Variants in POLE observed in about 807,000 individuals in gnomAD.
POLE encodes the protein DNA polymerase epsilon, catalytic subunit.
In POLE, 188 loss-of-function variants were observed where a neutral mutation model predicts 279.2. The observed-to-expected ratio is 0.67, with a 90% CI of 0.60 to 0.76. POLE has a LOEUF of 0.76. Ranked by LOEUF, POLE falls within the 30% of genes least tolerant of loss-of-function variation. The pLI is 0.00. For synonymous variants in POLE, 1,214 were observed against 1,172.5 expected (o/e 1.04, Z -0.72); for missense variants, 2,703 against 3,016.7 (o/e 0.90, Z 2.44).
chr12:132,674,067 C>T (rs1187876943), intron 12 of POLE, among the ~76,000 whole-genome samples: 2 of 152,186 alleles, frequency 1.3e-5, no homozygotes, highest in East Asian at 3.8e-4. Flanking sequence ...CCACACTGAT[C>T]TTCTCTCCTC....
chr12:132,656,723 C>G (rs1040451658), intron 29 of POLE, among the ~76,000 whole-genome samples: 1 of 152,192 alleles, frequency 6.6e-6, no homozygotes, highest in African/African-American at 2.4e-5. Context: ...TTTTAATTTT[C>G]AGCATTTAAG....
chr12:132,638,359 A>C (rs2042075969), intron 40 of POLE: 1 of 349,340 alleles, frequency 2.9e-6, no homozygotes, highest in Non-Finnish European at 5.1e-6. Context: ...AAAAATTAGC[A>C]AATTCTTATC....
rs759700878 is a variant in POLE at position 132,677,617 on chromosome 12, G to C, written c.681C>G (p.Pro227=). ...NIVDMREYDV[P]YHIRLSIDLK... ...GGTCAATGGAGAGGCGGATGTGGTAGGGAACATCGTACTCGCGCATGTCCA... is the reference window on the plus strand; with the variant it reads ...GGTCAATGGAGAGGCGGATGTGGTACGGAACATCGTACTCGCGCATGTCCA... Residue 227 remains proline, a synonymous_variant, in exon 7 of 49, where the codon CCC becomes CCG. Transcript: ENST00000320574. The C allele has an allele frequency of 6.2e-7, 1 of 1,614,190 alleles. No individual in the cohort carries two copies. The highest frequency in any genetic ancestry group is 8.5e-7 in the Non-Finnish European group (1 of 1,180,022).
Position 132,659,185 on chromosome 12 carries a change from C to T in POLE, c.3275+110G>A. The T allele has an allele frequency of 1.9e-5, 22 of 1,151,902 alleles. No individual in the cohort carries two copies. The South Asian group carries it at 3.1e-4, about 16-fold the overall frequency. The allele number at this position is 1,151,902 out of a possible 1,614,324, so 71.4% of individuals were successfully genotyped here. On this transcript the variant is annotated intron_variant, in intron 26 of 48. Transcript: ENST00000320574. The stretch of plus-strand genomic sequence containing the variant: ...CCTTACCTCTCCGTGACAGGGCAGC[C>T]CTCACCTCTCTGTGATGAGGGGAGC...
intron 41 of POLE, 107 bp from the exon 42 acceptor site, chr12:132,636,131 A>C: frequency 1.7e-6 from 2 of 1,196,826 alleles, no homozygotes; most frequent in Non-Finnish European, 2.3e-6. Context: ...CTTAACACTG[A>C]ATTTGAAAGT....
rs755716866 is a variant in POLE, at chr12:132,681,129, A to G, written c.204+9T>C. ...ATATTCCTGGGTGGGAGAAGGACCT[A>G]GTGCTTACAGGATGCATGTTAATGA... On this transcript the variant is annotated intron_variant, in intron 2 of 48. Coordinates refer to ENST00000320574, the MANE Select transcript of POLE (RefSeq NM_006231.4). 6.2e-7 allele frequency: 1 copy of G among 1,613,958 alleles called. No individual in the cohort carries two copies. Among genetic ancestry groups the G allele is most frequent in the South Asian group, 1.1e-5 (1 of 91,070 alleles).
Position 132,660,866 on chromosome 12 carries a change from TC to T in POLE, c.3060+102del. 4 of 906,014 alleles carry T rather than the reference TC, an allele frequency of 4.4e-6. No individual in the cohort carries two copies. In the South Asian group the frequency reaches 7.1e-5, roughly 16 times the overall value. The allele number at this position is 906,014 out of a possible 1,614,324, so 56.1% of individuals were successfully genotyped here. A position where few individuals can be genotyped will look rare whatever the true frequency, so the allele number is the denominator to read the frequency against. ...GATTTCATTAGGACTGGCCCTGTGTTCTTCGGTCACCTTGGTCTCCAGGAGC... is the reference window on the plus strand; with the variant it reads ...GATTTCATTAGGACTGGCCCTGTGTTTTCGGTCACCTTGGTCTCCAGGAGC... On this transcript the variant is annotated intron_variant, in intron 25 of 48. Transcript: ENST00000320574.
chr12:132,681,177 C>A lies in POLE; in HGVS notation c.165G>T (p.Glu55Asp). Reference sequence around the variant, plus strand: ...TGAGCCAGCCTGTCTTCTCACCAGGCTCCTTCAGCCGCTCAAAACCAAACC... The same window carrying A: ...TGAGCCAGCCTGTCTTCTCACCAGGATCCTTCAGCCGCTCAAAACCAAACC... ...DLRFGFERLK[E>D]PGEKTGWLIN... Residue 55 changes from glutamate to aspartate, a missense_variant, in exon 2 of 49, where the codon GAG becomes GAT. This residue lies in a region of POLE where 1,011 missense variants were observed against 1,111.7 expected (regional missense o/e 0.91). Transcript: ENST00000320574. 6.2e-7 allele frequency: 1 copy of A among 1,614,158 alleles called. No homozygotes were observed. The highest frequency in any genetic ancestry group is 8.5e-7 in the Non-Finnish European group (1 of 1,180,026).
At chr12:132,681,468 C>T (rs189304279) in intron 1 of POLE, among the ~76,000 whole-genome samples, 189 bp from the exon 2 acceptor site, 9 of 152,148 alleles carry the variant, frequency 5.9e-5, no homozygotes, top group Admixed American at 5.2e-4. Context: ...CTCAGCCTCC[C>T]GAGTAGCTGG....
At chr12:132,669,337 A>C (rs771580619) in intron 16 of POLE, among the ~76,000 whole-genome samples, 1 of 151,930 alleles carries the variant, frequency 6.6e-6, no homozygotes, top group Non-Finnish European at 1.5e-5. Context: ...TGGCGGTGGC[A>C]CCTGTAGTCC....
At chr12:132,653,926 C>G (rs771998617) in intron 29 of POLE, among the ~76,000 whole-genome samples, 16 of 152,198 alleles carry the variant, frequency 1.1e-4, no homozygotes, top group Non-Finnish European at 2.4e-4. Context: ...GATGATCTTA[C>G]GAGCCTTCTC....
Position 132,639,610 on chromosome 12 carries a change from G to A in POLE, c.5379-312C>T, listed in dbSNP as rs190162408. Among the ~76,000 whole-genome samples, 213 of 152,290 alleles carry A rather than the reference G, an allele frequency of 1.4e-3. No homozygotes were observed. Among genetic ancestry groups the A allele is most frequent in the African/African-American group, 4.9e-3 (203 of 41,568 alleles). ...CAAAGCAGCAAGTGTGTGACGGGCC[G>A]GGGACCCTGACAGGAAGGACACAGC... On this transcript the variant is annotated intron_variant, in intron 39 of 48. Coordinates refer to ENST00000320574, the MANE Select transcript of POLE (RefSeq NM_006231.4). The surrounding 1 kb of genome is among the most constrained non-coding windows in gnomAD (Gnocchi z 4.7).
rs533125912 is a variant in POLE at position 132,675,664 on chromosome 12, C to T, written c.1106+71G>A. 20 of 1,551,650 alleles carry T rather than the reference C, an allele frequency of 1.3e-5. No individual in the cohort carries two copies. The highest frequency in any genetic ancestry group is 1.1e-4 in the South Asian group (10 of 89,270). On this transcript the variant is annotated intron_variant, in intron 11 of 48. Coordinates refer to ENST00000320574, the MANE Select transcript of POLE (RefSeq NM_006231.4). This position sits in a 1 kb window ranked among gnomAD's most constrained non-coding sequence, Gnocchi z 4.3. The stretch of plus-strand genomic sequence containing the variant: ...CCACCTCCTAAGTCGACATGGGAAG[C>T]GCCCCTGCACCACGCAACGCCCTCC...
chr12:132,658,069 AC>A, intron 26 of POLE, 99 bp from the exon 27 acceptor site: 5 of 769,016 alleles, frequency 6.5e-6, no homozygotes, highest in Non-Finnish European at 1.1e-5. Flanking sequence ...AGGACGTGTA[AC>A]AGCTGTTCAC....
At chr12:132,673,958 C>T (rs2042987611) in intron 12 of POLE, among the ~76,000 whole-genome samples, 1 of 152,146 alleles carries the variant, frequency 6.6e-6, no homozygotes, top group African/African-American at 2.4e-5. Context: ...GCCTTCCTCC[C>T]ATCCTCAGCA....
chr12:132,624,836 G>A (rs2041797289), intron 48 of POLE, 26 bp from the exon 49 acceptor site: 13 of 1,588,318 alleles, frequency 8.2e-6, no homozygotes, highest in South Asian at 1.1e-5. Context: ...GGCACAGTGA[G>A]ACCCCAGTCC....
chr12:132,659,245 G>GTCCGTGACGGGAGGAGCCCTCACCTC (rs2042623497), intron 26 of POLE, 50 bp downstream of exon 26: 3 of 1,563,482 alleles, frequency 1.9e-6, no homozygotes, highest in Non-Finnish European at 2.6e-6. Context: ...GCCCTCACCT[G>GTCCGTGACGGGAGGAGCCCTCACCTC]TCCGTGATGG....
chr12:132,686,551 A>G (rs896455768), intron 1 of POLE, among the ~76,000 whole-genome samples: 2 of 151,996 alleles, frequency 1.3e-5, no homozygotes, highest in African/African-American at 4.8e-5. Flanking sequence ...CCTGGCCAAC[A>G]TGGTGAAACC....
At chr12:132,631,370 G>GA (rs1332810597) in intron 45 of POLE, among the ~76,000 whole-genome samples, 4 of 152,028 alleles carry the variant, frequency 2.6e-5, no homozygotes, top group Non-Finnish European at 5.9e-5. Flanking sequence ...ATTCACCTAG[G>GA]AAAAATCACA....
Sources: allele counts gnomAD v4.1 joint callset (sites outside exome capture counted in the v4.1 genomes callset), GRCh38; gene constraint gnomAD v4.1.1; regional missense constraint gnomAD v4.1.1; non-coding constraint Gnocchi (gnomAD v3.1); transcripts MANE v1.5; gene names NCBI Gene and HGNC (gene_info 2026-07-23, HGNC 2026-07-21).